Variants in FAM219A observed in about 807,000 individuals in gnomAD.
The protein encoded by FAM219A is family with sequence similarity 219 member A.
In FAM219A, 7 loss-of-function variants were observed where a neutral mutation model predicts 23.4. The observed-to-expected ratio is 0.30, with a 90% CI of 0.17 to 0.56. The LOEUF (loss-of-function observed/expected upper bound fraction) is 0.56. Ranked by LOEUF, FAM219A falls within the 20% of genes least tolerant of loss-of-function variation. The pLI, the probability that FAM219A is intolerant of heterozygous loss-of-function variation, is 0.92. For missense variants in FAM219A, 166 were observed against 246.9 expected (o/e 0.67, Z 2.20); for synonymous variants, 93 against 99.0 (o/e 0.94, Z 0.36).
chr9:34,425,679 G>A (rs1822437321), intron 1 of FAM219A, among the ~76,000 whole-genome samples: 2 of 152,186 alleles, frequency 1.3e-5, no homozygotes, highest in Admixed American at 1.3e-4. Flanking sequence ...CTATGAGTGA[G>A]TGGGCAGTGC....
intron 1 of FAM219A, among the ~76,000 whole-genome samples, chr9:34,422,187 G>A (rs13297645): frequency 0.36 from 54,550 of 152,016 alleles, 10,144 homozygotes; most frequent in Middle Eastern, 0.45. Flanking sequence ...TAGCCCAGGT[G>A]TAGTTCTTCC....
chr9:34,408,131 TAGA>T (rs1274970014), intron 1 of FAM219A, among the ~76,000 whole-genome samples: 5 of 152,184 alleles, frequency 3.3e-5, no homozygotes, highest in African/African-American at 4.8e-5. Context: ...CTTGACTGAG[TAGA>T]AGAAGGGCAG....
At chr9:34,441,401 G>A (rs904310740) in intron 1 of FAM219A, among the ~76,000 whole-genome samples, 3 of 152,202 alleles carry the variant, frequency 2.0e-5, no homozygotes, top group African/African-American at 7.2e-5. Flanking sequence ...TGCTGTTCCA[G>A]TGAGAACACA....
chr9:34,431,785 A>T (rs1822715622), intron 1 of FAM219A, among the ~76,000 whole-genome samples: 1 of 152,254 alleles, frequency 6.6e-6, no homozygotes, highest in Non-Finnish European at 1.5e-5. Flanking sequence ...AGATAAGCAC[A>T]AAAGAAAAAG....
Position 34,448,624 on chromosome 9 carries a change from C to G in FAM219A, c.60+9580G>C, listed in dbSNP as rs1324729839. Among the ~76,000 whole-genome samples, 4 of 152,190 alleles carry G rather than the reference C, an allele frequency of 2.6e-5. No individual in the cohort carries two copies. In the East Asian group the frequency reaches 7.7e-4, roughly 29 times the overall value. Reference sequence around the variant, plus strand: ...TGCAGAGGAAGTACTGAAACATCCCCTAATCGGGGAATCCACTTTTCACCT... The same window carrying G: ...TGCAGAGGAAGTACTGAAACATCCCGTAATCGGGGAATCCACTTTTCACCT... On this transcript the variant is annotated intron_variant, in intron 1 of 5. Transcript: ENST00000651358.
intron 1 of FAM219A, among the ~76,000 whole-genome samples, chr9:34,415,596 T>C (rs1564002900): frequency 6.6e-6 from 1 of 152,244 alleles, no homozygotes; most frequent in African/African-American, 2.4e-5. Flanking sequence ...TTGCGTATAC[T>C]ACAGCAGCAA....
At chr9:34,411,808 C>T (rs1564001301) in intron 1 of FAM219A, among the ~76,000 whole-genome samples, 1 of 151,956 alleles carries the variant, frequency 6.6e-6, no homozygotes, top group African/African-American at 2.4e-5. Flanking sequence ...GGAGGGTGGT[C>T]AAAGGAGACA....
At chr9:34,450,021 T>C (rs1236581913) in intron 1 of FAM219A, among the ~76,000 whole-genome samples, 1 of 152,154 alleles carries the variant, frequency 6.6e-6, no homozygotes, top group East Asian at 1.9e-4. Flanking sequence ...GAAATTAATA[T>C]GGGAACTAGG....
chr9:34,409,868 A>AT (rs1821762287), intron 1 of FAM219A, among the ~76,000 whole-genome samples: 1 of 152,202 alleles, frequency 6.6e-6, no homozygotes, highest in Admixed American at 6.5e-5. Flanking sequence ...AAAAGGTTCT[A>AT]TTTTTTAAAA....
chr9:34,398,255 G>A lies in FAM219A; in HGVS notation c.*2709C>T, dbSNP rs1320699763. On this transcript the variant is annotated 3_prime_UTR_variant, in exon 6 of 6. Transcript: ENST00000651358. The stretch of plus-strand genomic sequence containing the variant: ...ACAACCAAGGATGATGGTCAATACT[G>A]CAATGAAAATGTTAAAAAAAATATT... The A allele has an allele frequency of 1.9e-6, 3 of 1,548,468 alleles. No individual in the cohort carries two copies. The highest frequency in any genetic ancestry group is 1.2e-5 in the South Asian group (1 of 83,998).
At chr9:34,433,625 T>C (rs1041789399) in intron 1 of FAM219A, among the ~76,000 whole-genome samples, 9 of 152,222 alleles carry the variant, frequency 5.9e-5, no homozygotes, top group Non-Finnish European at 1.2e-4. Context: ...TTTAAAAACA[T>C]GACCCCAGTT....
intron 4 of FAM219A, 69 bp from the exon 5 acceptor site, chr9:34,401,789 C>A: frequency 6.6e-7 from 1 of 1,519,226 alleles, no homozygotes. Flanking sequence ...GCAATCCCAC[C>A]TCCCATTAGG....
intron 1 of FAM219A, among the ~76,000 whole-genome samples, chr9:34,443,886 T>C (rs958157141): frequency 1.3e-5 from 2 of 152,216 alleles, no homozygotes; most frequent in Non-Finnish European, 2.9e-5. Context: ...CATCAGGAAG[T>C]TGATAGGGAG....
In FAM219A at chr9:34,400,935, C is replaced by A. The variant is rs776821716; in HGVS notation, c.*29G>T. 2.3e-5 allele frequency: 35 copies of A among 1,506,898 alleles called. No individual in the cohort carries two copies. The Admixed American group carries it at 7.5e-4, about 32-fold the overall frequency. 93.3% of individuals were successfully genotyped at this position (1,506,898 alleles called of 1,614,324 possible). The stretch of plus-strand genomic sequence containing the variant: ...CGTCCTACCCGGCCCTTGGCGGCCC[C>A]GCCCCGGCGACCGCAGTGGCCCCGC... On this transcript the variant is annotated 3_prime_UTR_variant, in exon 6 of 6. Coordinates refer to ENST00000651358, the MANE Select transcript of FAM219A (RefSeq NM_001184940.2).
intron 1 of FAM219A, among the ~76,000 whole-genome samples, chr9:34,452,358 CA>C (rs1222153470): frequency 4.6e-5 from 7 of 152,138 alleles, no homozygotes; most frequent in Non-Finnish European, 8.8e-5. Context: ...TCCCTGAGAC[CA>C]AAAGGTACAT....
At chr9:34,405,775 A>G (rs1369348034) in intron 2 of FAM219A, 90 bp downstream of exon 2, 1 of 1,261,550 alleles carries the variant, frequency 7.9e-7, no homozygotes, top group Non-Finnish European at 1.1e-6. Context: ...ATCTAGGCTG[A>G]GCTGGTTTAT....
At chr9:34,430,949 T>A (rs938129578) in intron 1 of FAM219A, among the ~76,000 whole-genome samples, 2 of 152,210 alleles carry the variant, frequency 1.3e-5, no homozygotes, top group African/African-American at 2.4e-5. Context: ...TCTCCAGGGT[T>A]CTGAACCACC....
chr9:34,409,377 G>T (rs1258080471), intron 1 of FAM219A, among the ~76,000 whole-genome samples: 1 of 152,198 alleles, frequency 6.6e-6, no homozygotes, highest in Non-Finnish European at 1.5e-5. Flanking sequence ...TATCAGAAAA[G>T]ACTCCAGGCA....
chr9:34,416,542 T>A (rs113721990), intron 1 of FAM219A, among the ~76,000 whole-genome samples: 4 of 152,162 alleles, frequency 2.6e-5, no homozygotes, highest in African/African-American at 9.6e-5. Context: ...AGCAGGAGGA[T>A]CACTTGAGGC....
Sources: allele counts gnomAD v4.1 joint callset (sites outside exome capture counted in the v4.1 genomes callset), GRCh38; gene constraint gnomAD v4.1.1; transcripts MANE v1.5; gene names NCBI Gene and HGNC (gene_info 2026-07-23, HGNC 2026-07-21).